NFATC1: variants seen among roughly 807,000 people sequenced by gnomAD.
The protein encoded by NFATC1 is nuclear factor of activated T cells 1, also known as nuclear factor of activated T-cells, cytoplasmic 1.
Under a neutral mutation model 76.0 loss-of-function variants are expected in NFATC1, and 22 were observed. The observed-to-expected ratio is 0.29, with a 90% CI of 0.21 to 0.41. The LOEUF (loss-of-function observed/expected upper bound fraction) is 0.41. Among genes scored for constraint, NFATC1 ranks in the 10% least tolerant of loss-of-function variants. The pLI is 1.00. For synonymous variants in NFATC1, 704 were observed against 613.1 expected (o/e 1.15, Z -2.19); for missense variants, 1,357 against 1,337.7 (o/e 1.01, Z -0.23).
intron 8 of NFATC1, among the ~76,000 whole-genome samples, chr18:79,473,090 A>G (rs1178191302): frequency 6.6e-6 from 1 of 152,212 alleles, no homozygotes; most frequent in East Asian, 1.9e-4. Flanking sequence ...TAGAAGTCCT[A>G]CCTGATTTCA....
chr18:79,475,216 G>A (rs936179480), intron 8 of NFATC1, among the ~76,000 whole-genome samples: 4 of 149,258 alleles, frequency 2.7e-5, no homozygotes, highest in African/African-American at 7.6e-5. Context: ...CGTCGACGTT[G>A]TAAACCTGAG....
intron 9 of NFATC1, among the ~76,000 whole-genome samples, chr18:79,520,242 G>A (rs1263486914): frequency 6.6e-6 from 1 of 152,096 alleles, no homozygotes; most frequent in Non-Finnish European, 1.5e-5. Context: ...CGAAATGTTG[G>A]AGCTGGAGAG....
At position 79,396,185 on chromosome 18, in the gene NFATC1, G is replaced by A. The variant is rs759124530; in HGVS notation, c.-40G>A. ...AGCGCGGGGCGGCCGCTTCTCCTGT[G>A]CCTCCGCCCGCCGCTCCACTCCCCG... On this transcript the variant is annotated 5_prime_UTR_variant, in exon 1 of 10. Transcript: ENST00000427363. The A allele has an allele frequency of 5.4e-5, 77 of 1,433,426 alleles. 1 individual carries two copies. In the South Asian group the frequency reaches 9.8e-4, roughly 18 times the overall value. 88.8% of individuals were successfully genotyped at this position (1,433,426 alleles called of 1,614,324 possible).
chr18:79,440,367 A>T (rs1568964604), intron 3 of NFATC1, among the ~76,000 whole-genome samples: 1 of 152,278 alleles, frequency 6.6e-6, no homozygotes, highest in East Asian at 1.9e-4. Context: ...CAGAAAACCC[A>T]CATTTGGTGC....
intron 3 of NFATC1, among the ~76,000 whole-genome samples, chr18:79,445,226 G>GC (rs1294268455): frequency 6.6e-6 from 1 of 152,370 alleles, no homozygotes; most frequent in East Asian, 1.9e-4. Context: ...GCTTTGGTGT[G>GC]CCGTGGGTCA....
chr18:79,477,228 T>C (rs917005263), intron 8 of NFATC1, among the ~76,000 whole-genome samples: 2 of 152,256 alleles, frequency 1.3e-5, no homozygotes, highest in Admixed American at 1.3e-4. Flanking sequence ...TTGGACTTTC[T>C]TGTCATACAG....
intron 7 of NFATC1, among the ~76,000 whole-genome samples, chr18:79,462,036 C>T (rs752352189): frequency 6.6e-6 from 1 of 152,210 alleles, no homozygotes; most frequent in Non-Finnish European, 1.5e-5. Flanking sequence ...CCGTTTCCAA[C>T]TCCCCCAGTC....
At chr18:79,519,447 C>T (rs143523142) in intron 9 of NFATC1, among the ~76,000 whole-genome samples, 4 of 152,182 alleles carry the variant, frequency 2.6e-5, no homozygotes, top group African/African-American at 9.7e-5. Flanking sequence ...ATCCTCCCAC[C>T]TCAGCCTCCC....
chr18:79,397,530 G>A (rs1380757304), intron 1 of NFATC1, among the ~76,000 whole-genome samples: 1 of 152,232 alleles, frequency 6.6e-6, no homozygotes, highest in East Asian at 1.9e-4. Context: ...CGCTTCACGG[G>A]ACGGGAGGTA....
intron 8 of NFATC1, chr18:79,470,312 A>C (rs904490499): frequency 6.6e-6 from 1 of 152,302 alleles, no homozygotes; most frequent in African/African-American, 2.4e-5. Context: ...CTACACCGTC[A>C]TCATGGGGTC....
At chr18:79,431,011 C>A (rs1456572880) in intron 2 of NFATC1, among the ~76,000 whole-genome samples, 1 of 152,234 alleles carries the variant, frequency 6.6e-6, no homozygotes. Context: ...ATGCTGATCA[C>A]CTCACGTGGG....
chr18:79,457,753 C>T (rs2087816213), intron 6 of NFATC1, among the ~76,000 whole-genome samples: 1 of 152,198 alleles, frequency 6.6e-6, no homozygotes. Flanking sequence ...CCAATGCCCC[C>T]TCGCCGTGGC....
chr18:79,456,726 G>A (rs1335313576), intron 6 of NFATC1, among the ~76,000 whole-genome samples: 3 of 152,226 alleles, frequency 2.0e-5, no homozygotes, highest in African/African-American at 7.2e-5. Flanking sequence ...GAGTCCAGGT[G>A]GGTGGTGGGG....
intron 1 of NFATC1, among the ~76,000 whole-genome samples, chr18:79,402,519 C>T (rs563377430): frequency 1.3e-5 from 2 of 152,224 alleles, no homozygotes; most frequent in African/African-American, 2.4e-5. Context: ...CCGGGAGCCC[C>T]GCAGAGCTGG....
chr18:79,503,544 C>CGG (rs576482266), intron 9 of NFATC1, among the ~76,000 whole-genome samples: 249 of 152,280 alleles, frequency 1.6e-3, no homozygotes, highest in South Asian at 0.011. Context: ...TGCCGTCATC[C>CGG]GGGCTTTGTC....
chr18:79,464,822 C>T (rs1048275539), intron 7 of NFATC1, among the ~76,000 whole-genome samples: 8 of 150,826 alleles, frequency 5.3e-5, no homozygotes, highest in African/African-American at 2.0e-4. Flanking sequence ...TCTCATGCCT[C>T]AGCCTCGCCA....
chr18:79,420,616 A>G (rs2086051940), intron 2 of NFATC1, among the ~76,000 whole-genome samples: 1 of 151,728 alleles, frequency 6.6e-6, no homozygotes, highest in East Asian at 1.9e-4. Context: ...ACGTCGCTGC[A>G]GAGGGGAAGA....
At chr18:79,505,532 G>GAT (rs1365957619) in intron 9 of NFATC1, among the ~76,000 whole-genome samples, 1 of 56,560 alleles carries the variant, frequency 1.8e-5, no homozygotes, top group Admixed American at 1.4e-4. Flanking sequence ...AGGTGGTGCT[G>GAT]GAGGCCCTTG....
At chr18:79,463,846 G>A (rs1031909036) in intron 7 of NFATC1, among the ~76,000 whole-genome samples, 8 of 152,192 alleles carry the variant, frequency 5.3e-5, no homozygotes, top group African/African-American at 7.2e-5. Context: ...GCAGGATGCC[G>A]GAGCTGGGCT....
Sources: gnomAD v4.1 joint callset for allele counts (sites outside exome capture counted in the v4.1 genomes callset) on GRCh38, gnomAD v4.1.1 for gene constraint, MANE v1.5 for transcripts, NCBI Gene and HGNC (gene_info 2026-07-23, HGNC 2026-07-21) for gene names.